Variants in ADAMTSL1 observed in about 807,000 individuals in gnomAD.
ADAMTSL1 encodes ADAMTS like 1.
A neutral mutation model predicts 201.8 loss-of-function variants in ADAMTSL1; 126 were observed. The observed-to-expected ratio is 0.62, with a 90% confidence interval of 0.54 to 0.72. ADAMTSL1 has a LOEUF of 0.72. Ranked by LOEUF, ADAMTSL1 falls within the 30% of genes least tolerant of loss-of-function variation. The pLI is 0.00. For synonymous variants in ADAMTSL1, 1,121 were observed against 903.4 expected (o/e 1.24, Z -4.32); for missense variants, 2,679 against 2,277.8 (o/e 1.18, Z -3.59).
chr9:18,371,382 C>T (rs1273184975), intron 2 of ADAMTSL1, among the ~76,000 whole-genome samples: 1 of 152,176 alleles, frequency 6.6e-6, no homozygotes, highest in African/African-American at 2.4e-5. Flanking sequence ...ACATCTGAAA[C>T]TTATATCACA....
At chr9:18,374,454 C>G (rs543897178) in intron 2 of ADAMTSL1, among the ~76,000 whole-genome samples, 2 of 152,098 alleles carry the variant, frequency 1.3e-5, no homozygotes, top group African/African-American at 4.8e-5. Flanking sequence ...CAACCTCAGC[C>G]TCCAAGTAGC....
intron 2 of ADAMTSL1, among the ~76,000 whole-genome samples, chr9:18,194,692 T>A (rs973920105): frequency 6.6e-6 from 1 of 152,030 alleles, no homozygotes; most frequent in African/African-American, 2.4e-5. Context: ...ACTGTACAAA[T>A]TGATATTTGT....
chr9:18,551,447 T>A (rs1159388516), intron 3 of ADAMTSL1, among the ~76,000 whole-genome samples: 1 of 151,862 alleles, frequency 6.6e-6, no homozygotes, highest in African/African-American at 2.4e-5. Context: ...AGAGTTTATT[T>A]TATATTGAGA....
intron 2 of ADAMTSL1, among the ~76,000 whole-genome samples, chr9:18,263,159 C>A (rs932056028): frequency 6.6e-6 from 1 of 152,116 alleles, no homozygotes; most frequent in Non-Finnish European, 1.5e-5. Context: ...CAGAAAATGA[C>A]CATTCAGTAA....
At chr9:18,052,770 A>G (rs984986739) in intron 1 of ADAMTSL1, among the ~76,000 whole-genome samples, 5 of 152,012 alleles carry the variant, frequency 3.3e-5, no homozygotes, top group Non-Finnish European at 4.4e-5. Context: ...TAGTTAACCC[A>G]GCTGTGTTTT....
intron 19 of ADAMTSL1, among the ~76,000 whole-genome samples, chr9:18,789,751 G>T (rs1168090358): frequency 3.9e-5 from 6 of 152,160 alleles, no homozygotes; most frequent in Non-Finnish European, 8.8e-5. Flanking sequence ...TAAGGGAGGG[G>T]GAGGAGGAGG....
intron 2 of ADAMTSL1, among the ~76,000 whole-genome samples, chr9:18,267,920 A>G (rs1832198719): frequency 6.6e-6 from 1 of 152,108 alleles, no homozygotes; most frequent in African/African-American, 2.4e-5. Flanking sequence ...AATTTCTCAT[A>G]ATCTCACAAT....
At chr9:18,107,813 C>CT (rs1265863497) in intron 1 of ADAMTSL1, among the ~76,000 whole-genome samples, 1 of 152,040 alleles carries the variant, frequency 6.6e-6, no homozygotes, top group East Asian at 1.9e-4. Flanking sequence ...GGTATATAAC[C>CT]TGGTACAGAT....
In ADAMTSL1 at chr9:18,169,468, G is replaced by C. The variant is rs142523410; in HGVS notation, c.207+5487G>C. On this transcript the variant is annotated intron_variant, in intron 2 of 29. Transcript: ENST00000680146. ...TGGCATTATTTCTGAGGGCTCTGTTGTGTTCCATTGATCTATATCTCTGTT... is the reference window on the plus strand; with the variant it reads ...TGGCATTATTTCTGAGGGCTCTGTTCTGTTCCATTGATCTATATCTCTGTT... 9.8e-3 allele frequency among the ~76,000 whole-genome samples: 1,485 copies of C among 151,956 alleles called. 25 individuals carry two copies. The highest frequency in any genetic ancestry group is 0.034 in the African/African-American group (1,420 of 41,458).
chr9:18,756,122 T>TATATATATAC (rs1491270780), intron 16 of ADAMTSL1, among the ~76,000 whole-genome samples: 7 of 85,844 alleles, frequency 8.2e-5, no homozygotes, highest in Non-Finnish European at 1.4e-4. Flanking sequence ...TATATATATA[T>TATATATATAC]ACAAAAATTA....
chr9:18,406,276 G>T (rs1818188869), intron 2 of ADAMTSL1, among the ~76,000 whole-genome samples: 1 of 100,956 alleles, frequency 9.9e-6, no homozygotes, highest in Non-Finnish European at 2.5e-5. Context: ...ATGGCTCATT[G>T]GTATAAGACA....
Position 18,333,492 on chromosome 9 carries a change from A to G in ADAMTSL1, c.207+169511A>G, listed in dbSNP as rs1835112138. Among the ~76,000 whole-genome samples, 3 of 152,198 alleles carry G rather than the reference A, an allele frequency of 2.0e-5. No individual in the cohort carries two copies. The South Asian group carries it at 6.2e-4, about 32-fold the overall frequency. On this transcript the variant is annotated intron_variant, in intron 2 of 29. Coordinates refer to the ADAMTSL1 transcript ENST00000680146. The stretch of plus-strand genomic sequence containing the variant: ...AACCTCTTTTATTTATAAATTATGC[A>G]GTCTCGGGTGTTTCCTTATAGTGGC...
At chr9:18,810,133 C>G (rs375524376) in intron 20 of ADAMTSL1, among the ~76,000 whole-genome samples, 30 of 152,098 alleles carry the variant, frequency 2.0e-4, no homozygotes, top group African/African-American at 6.3e-4. Context: ...CTGCTTCCTC[C>G]CATTGTGGCC....
intron 26 of ADAMTSL1, among the ~76,000 whole-genome samples, chr9:18,897,218 C>G (rs774393668): frequency 1.4e-4 from 21 of 152,336 alleles, no homozygotes; most frequent in Non-Finnish European, 2.8e-4. Flanking sequence ...GATGTCTGAT[C>G]TCTCCCTGGG....
At chr9:18,045,344 T>C (rs1821612089) in intron 1 of ADAMTSL1, among the ~76,000 whole-genome samples, 1 of 152,110 alleles carries the variant, frequency 6.6e-6, no homozygotes, top group Non-Finnish European at 1.5e-5. Flanking sequence ...GAATCAGCAG[T>C]TGGAGTTGGC....
intron 1 of ADAMTSL1, among the ~76,000 whole-genome samples, chr9:18,095,356 G>A (rs1036466660): frequency 1.3e-5 from 2 of 151,596 alleles, no homozygotes; most frequent in African/African-American, 4.8e-5. Context: ...AAATTGGCCA[G>A]GGAATGACTC....
intron 2 of ADAMTSL1, among the ~76,000 whole-genome samples, chr9:18,330,225 T>C (rs1443318931): frequency 6.6e-6 from 1 of 152,170 alleles, no homozygotes; most frequent in East Asian, 1.9e-4. Flanking sequence ...CTTGACACAG[T>C]TAAGTCTTCA....
chr9:17,962,547 T>A (rs570807531), intron 1 of ADAMTSL1, among the ~76,000 whole-genome samples: 1 of 152,272 alleles, frequency 6.6e-6, no homozygotes, highest in East Asian at 1.9e-4. Context: ...TCATTGAGAA[T>A]GTTATCTGAA....
At chr9:18,773,797 C>T (rs1371953812) in intron 17 of ADAMTSL1, among the ~76,000 whole-genome samples, 5 of 152,186 alleles carry the variant, frequency 3.3e-5, no homozygotes, top group Non-Finnish European at 7.3e-5. Flanking sequence ...TACTTAGCAG[C>T]CTTAAAACGA....
Sources: gnomAD v4.1 joint callset for allele counts (sites outside exome capture counted in the v4.1 genomes callset) on GRCh38, gnomAD v4.1.1 for gene constraint, MANE v1.5 for transcripts, NCBI Gene and HGNC (gene_info 2026-07-23, HGNC 2026-07-21) for gene names.